Variants in TENM1 observed in about 807,000 individuals in gnomAD.
The protein encoded by TENM1 is teneurin transmembrane protein 1, also known as teneurin-1.
A neutral mutation model predicts 174.8 loss-of-function variants in TENM1; 35 were observed. That is an observed-to-expected ratio of 0.20 (90% CI 0.15 to 0.27). The LOEUF (loss-of-function observed/expected upper bound fraction) is 0.27, where lower values mean the gene tolerates loss of function less well. Ranked by LOEUF, TENM1 falls within the 10% of genes least tolerant of loss-of-function variation. The pLI is 1.00. For synonymous variants in TENM1, 781 were observed against 798.7 expected (o/e 0.98, Z 0.37); for missense variants, 1,633 against 2,130.1 (o/e 0.77, Z 4.59).
At chrX:125,183,729 G>A in the TENM1 span, among the ~76,000 whole-genome samples, 4 of 111,650 alleles carry the variant, frequency 3.6e-5, no homozygotes, top group African/African-American at 6.5e-5. Context: ...AGTACGCATG[G>A]AGTGAGTGAG....
chrX:124,653,205 TTC>T (rs1167304636), intron 7 of TENM1, among the ~76,000 whole-genome samples: 1 of 111,887 alleles, frequency 8.9e-6, no homozygotes, highest in African/African-American at 3.2e-5. Flanking sequence ...TCTCACTAAT[TTC>T]TGATTAATAT....
the TENM1 span, among the ~76,000 whole-genome samples, chrX:125,039,542 A>G: frequency 9.0e-6 from 1 of 110,639 alleles, no homozygotes; most frequent in Admixed American, 9.7e-5. Flanking sequence ...TCTTTAATTA[A>G]GCTTCTAATG....
chrX:124,933,920 C>T (rs943389449), intron 1 of TENM1, among the ~76,000 whole-genome samples: 1 of 111,195 alleles, frequency 9.0e-6, no homozygotes, highest in Non-Finnish European at 1.9e-5. Flanking sequence ...TATTTTCCAC[C>T]TAGACATTTT....
chrX:125,139,206 T>G, the TENM1 span, among the ~76,000 whole-genome samples: 1 of 111,464 alleles, frequency 9.0e-6, no homozygotes, highest in Non-Finnish European at 1.9e-5. Flanking sequence ...ATAAAATAAT[T>G]GCAGATTGTA....
chrX:124,514,984 C>G (rs907589551), intron 18 of TENM1, among the ~76,000 whole-genome samples: 1 of 111,023 alleles, frequency 9.0e-6, no homozygotes, highest in Non-Finnish European at 1.9e-5. Flanking sequence ...AGCAGCACTT[C>G]AAAAAGCTAA....
intron 3 of TENM1, among the ~76,000 whole-genome samples, chrX:124,869,062 CAAAAAAA>C (rs146594515): frequency 4.0e-4 from 21 of 52,789 alleles, no homozygotes; most frequent in African/African-American, 1.0e-3. Flanking sequence ...CCGTCTCTAC[CAAAAAAA>C]AAAAAAAAAA....
chrX:124,731,228 G>C (rs1262439377), intron 4 of TENM1, among the ~76,000 whole-genome samples: 3 of 111,805 alleles, frequency 2.7e-5, no homozygotes, highest in Non-Finnish European at 5.6e-5. Context: ...GCAAGGGTAG[G>C]AGAGACATGC....
At chrX:124,557,616 T>C (rs2843521) in intron 14 of TENM1, among the ~76,000 whole-genome samples, 27,177 of 110,538 alleles carry the variant, frequency 0.25, 2,462 homozygotes, top group South Asian at 0.43. Context: ...ATAATGCTTA[T>C]TTTACCCCAT....
intron 4 of TENM1, among the ~76,000 whole-genome samples, chrX:124,710,097 A>G (rs2053008137): frequency 9.0e-6 from 1 of 111,642 alleles, no homozygotes; most frequent in African/African-American, 3.3e-5. Flanking sequence ...CACCATAAAA[A>G]GATGAATTTC....
At chrX:124,434,564 T>A (rs1332009909) in intron 23 of TENM1, among the ~76,000 whole-genome samples, 1 of 112,323 alleles carries the variant, frequency 8.9e-6, no homozygotes, top group Non-Finnish European at 1.9e-5. Context: ...CAGGCATAAT[T>A]GCTCTGAGTT....
intron 1 of TENM1, among the ~76,000 whole-genome samples, chrX:124,960,864 A>G (rs1396752716): frequency 8.9e-6 from 1 of 112,084 alleles, no homozygotes; most frequent in Non-Finnish European, 1.9e-5. Flanking sequence ...ATAGGAAATA[A>G]TTTCCCAATT....
At chrX:125,139,289 A>G in the TENM1 span, among the ~76,000 whole-genome samples, 1 of 111,470 alleles carries the variant, frequency 9.0e-6, no homozygotes, top group East Asian at 2.8e-4. Context: ...TGCTGTAGAT[A>G]GAGTGGTCAG....
chrX:124,563,652 C>G (rs2048875404), intron 13 of TENM1, 97 bp downstream of exon 16: 1 of 673,459 alleles, frequency 1.5e-6, no homozygotes, highest in Non-Finnish European at 2.2e-6. Context: ...TAAAAACAAA[C>G]AACACAAATG....
At chrX:124,839,107 G>A (rs1230911093) in intron 3 of TENM1, among the ~76,000 whole-genome samples, 1 of 111,517 alleles carries the variant, frequency 9.0e-6, no homozygotes, top group Non-Finnish European at 1.9e-5. Flanking sequence ...ATATTACACA[G>A]GAACAAATTA....
At chrX:125,161,055 A>C in the TENM1 span, among the ~76,000 whole-genome samples, 2 of 107,944 alleles carry the variant, frequency 1.9e-5, no homozygotes, top group Non-Finnish European at 3.8e-5. Flanking sequence ...AAAAAAAAAA[A>C]AAAAAACAAA....
chrX:125,203,007 C>T, the TENM1 span, among the ~76,000 whole-genome samples: 1 of 111,966 alleles, frequency 8.9e-6, no homozygotes, highest in African/African-American at 3.3e-5. Flanking sequence ...CACACAAACC[C>T]GCACATTGGA....
chrX:124,768,179 G>T (rs2054575126), intron 3 of TENM1, among the ~76,000 whole-genome samples: 1 of 112,001 alleles, frequency 8.9e-6, no homozygotes, highest in Non-Finnish European at 1.9e-5. Context: ...TTAATTGAAA[G>T]ATATTTTAAT....
intron 3 of TENM1, among the ~76,000 whole-genome samples, chrX:124,759,160 T>C (rs987576381): frequency 2.7e-5 from 3 of 111,578 alleles, no homozygotes; most frequent in African/African-American, 9.8e-5. Context: ...GATAGTGTGA[T>C]TCTGTGGGTC....
At chrX:124,590,051 A>G (rs1016264110) in intron 11 of TENM1, among the ~76,000 whole-genome samples, 3 of 111,985 alleles carry the variant, frequency 2.7e-5, no homozygotes, top group African/African-American at 9.7e-5. Context: ...ATTCAGCGCT[A>G]TAAACTTTCC....
Sources: allele counts gnomAD v4.1 joint callset (sites outside exome capture counted in the v4.1 genomes callset), GRCh38; gene constraint gnomAD v4.1.1; transcripts MANE v1.5; gene names NCBI Gene and HGNC (gene_info 2026-07-23, HGNC 2026-07-21).